PDS5B: variants seen among roughly 807,000 people sequenced by gnomAD.
PDS5B encodes PDS5 cohesin associated factor B.
A neutral mutation model predicts 184.1 loss-of-function variants in PDS5B; 51 were observed. The ratio of observed to expected loss-of-function variants is 0.28; its 90% confidence interval spans 0.22 to 0.35. The LOEUF (loss-of-function observed/expected upper bound fraction) is 0.35, where lower values mean the gene tolerates loss of function less well. Among genes scored for constraint, PDS5B ranks in the 10% least tolerant of loss-of-function variants. The pLI, the probability that PDS5B is intolerant of heterozygous loss-of-function variation, is 1.00. For synonymous variants in PDS5B, 566 were observed against 569.2 expected (o/e 0.99, Z 0.08); for missense variants, 1,180 against 1,723.3 (o/e 0.68, Z 5.58).
At chr13:32,691,090 A>T (rs968828822) in intron 13 of PDS5B, 1 of 113,438 alleles carries the variant, frequency 8.8e-6, no homozygotes, top group Non-Finnish European at 1.8e-5. Flanking sequence ...TCTATTACCC[A>T]ACTTGTAAAC....
At chr13:32,591,977 A>AT (rs1049017228) in intron 1 of PDS5B, among the ~76,000 whole-genome samples, 1 of 152,176 alleles carries the variant, frequency 6.6e-6, no homozygotes, top group Admixed American at 6.5e-5. Flanking sequence ...GTATGAGAGT[A>AT]TTGAAAGCCC....
intron 1 of PDS5B, among the ~76,000 whole-genome samples, chr13:32,639,254 T>G (rs553030780): frequency 9.2e-5 from 14 of 152,278 alleles, no homozygotes; most frequent in African/African-American, 3.4e-4. Flanking sequence ...TTTAGTATCT[T>G]CCATAACATT....
At chr13:32,702,878 G>A (rs1469569901) in intron 17 of PDS5B, among the ~76,000 whole-genome samples, 1 of 152,160 alleles carries the variant, frequency 6.6e-6, no homozygotes, top group East Asian at 1.9e-4. Flanking sequence ...GAGGAGGGAA[G>A]TAGAAGAGAT....
chr13:32,606,059 C>T (rs908383864), intron 1 of PDS5B, among the ~76,000 whole-genome samples: 2 of 152,076 alleles, frequency 1.3e-5, no homozygotes, highest in African/African-American at 2.4e-5. Context: ...AGCATTTAGC[C>T]CATTTACATT....
chr13:32,586,700 C>G (rs1476935793), intron 1 of PDS5B, 107 bp downstream of exon 1: 4 of 149,950 alleles, frequency 2.7e-5, no homozygotes, highest in African/African-American at 7.3e-5. Context: ...TGTGGCAGGG[C>G]TGAAGCGCCG....
chr13:32,650,364 A>G (rs1253842620), intron 2 of PDS5B: 2 of 152,154 alleles, frequency 1.3e-5, no homozygotes, highest in African/African-American at 4.8e-5. Context: ...CATTTTTAGC[A>G]TCCTCCTTCT....
Position 32,701,411 on chromosome 13 carries a change from C to A in PDS5B, c.1829C>A (p.Pro610His). Residue 610 changes from proline (P) to histidine (H), a missense_variant, in exon 17 of 35, where the codon CCT (proline) becomes CAT (histidine). This residue lies in a region of PDS5B where 475 missense variants were observed against 691.5 expected (regional missense o/e 0.69). Coordinates refer to ENST00000315596, the MANE Select transcript of PDS5B (RefSeq NM_015032.4). ...MIKFLLERIA[P>H]VHIDTESISA... ...AAGTTTCTCTTGGAGAGGATAGCAC[C>A]TGTGCACATAGATACCGAATCTATC... 1 of 1,608,152 alleles carries A rather than the reference C, an allele frequency of 6.2e-7. No homozygotes were observed. The highest frequency in any genetic ancestry group is 8.5e-7 in the Non-Finnish European group (1 of 1,175,050).
chr13:32,758,343 A>T, intron 27 of PDS5B, 124 bp downstream of exon 27: 1 of 971,516 alleles, frequency 1.0e-6, no homozygotes, highest in African/African-American at 1.7e-5. Context: ...AATTAGAATT[A>T]CGTAGAATTA....
chr13:32,701,200 T>C (rs898767737), intron 16 of PDS5B, 123 bp from the exon 17 acceptor site: 8 of 567,898 alleles, frequency 1.4e-5, no homozygotes, highest in South Asian at 1.2e-4. Context: ...CTTGTTCAAT[T>C]CTTACAGTTT....
chr13:32,667,614 A>T, intron 6 of PDS5B, 150 bp from the exon 7 acceptor site: 1 of 560,632 alleles, frequency 1.8e-6, no homozygotes, highest in East Asian at 3.3e-5. Context: ...GTTAGTCCTA[A>T]AAAAAGAAAA....
At chr13:32,753,575 C>G in intron 25 of PDS5B, 39 bp downstream of exon 25, 2 of 1,405,878 alleles carry the variant, frequency 1.4e-6, no homozygotes, top group Non-Finnish European at 2.0e-6. Context: ...CTTTTTCAGC[C>G]TGCTAGTTTC....
chr13:32,671,517 C>T (rs1159138774), intron 7 of PDS5B, among the ~76,000 whole-genome samples: 2 of 152,034 alleles, frequency 1.3e-5, no homozygotes, highest in Admixed American at 6.6e-5. Flanking sequence ...TTATTTTCAG[C>T]CTGAATAAGA....
chr13:32,643,278 A>G (rs982030872), intron 1 of PDS5B, among the ~76,000 whole-genome samples: 1 of 152,042 alleles, frequency 6.6e-6, no homozygotes, highest in African/African-American at 2.4e-5. Context: ...GTAACTATGA[A>G]CTTGGTTCTT....
At chr13:32,630,269 T>A (rs1312914947) in intron 1 of PDS5B, among the ~76,000 whole-genome samples, 3 of 152,172 alleles carry the variant, frequency 2.0e-5, no homozygotes, top group Non-Finnish European at 4.4e-5. Flanking sequence ...GGGTTTCCTA[T>A]GTGGAATCTG....
intron 20 of PDS5B, among the ~76,000 whole-genome samples, chr13:32,733,945 A>G (rs1953216384): frequency 6.7e-6 from 1 of 149,392 alleles, no homozygotes. Flanking sequence ...TCCTTATGCC[A>G]ATGGCATATT....
At chr13:32,725,535 G>A (rs1161871077) in intron 19 of PDS5B, among the ~76,000 whole-genome samples, 1 of 152,236 alleles carries the variant, frequency 6.6e-6, no homozygotes, top group East Asian at 1.9e-4. Flanking sequence ...ATGGTATTAA[G>A]AAATTACAAC....
chr13:32,738,237 G>A (rs1199376027), intron 21 of PDS5B, among the ~76,000 whole-genome samples: 1 of 152,072 alleles, frequency 6.6e-6, no homozygotes, highest in Non-Finnish European at 1.5e-5. Context: ...TTATTCCTAC[G>A]AGTGAAGTTG....
Position 32,776,023 on chromosome 13 carries a change from A to G in PDS5B, c.*971A>G, listed in dbSNP as rs969087438. 6.4e-6 allele frequency: 1 copy of G among 157,242 alleles called. No homozygotes were observed. The highest frequency in any genetic ancestry group is 1.4e-5 in the Non-Finnish European group (1 of 71,164). The allele number at this position is 157,242 out of a possible 1,614,324, so 9.7% of individuals were successfully genotyped here. On this transcript the variant is annotated 3_prime_UTR_variant, in exon 35 of 35. Coordinates refer to ENST00000315596, the MANE Select transcript of PDS5B (RefSeq NM_015032.4). ...GATATATACACATTAGAAATATTCC[A>G]GTTCTCCGTAACAGTGTAAAGTTAA...
At chr13:32,768,480 A>G (rs1156444090) in intron 31 of PDS5B, among the ~76,000 whole-genome samples, 2 of 152,044 alleles carry the variant, frequency 1.3e-5, no homozygotes, top group African/African-American at 2.4e-5. Flanking sequence ...GGGGGCCACA[A>G]TTCAGTCCAA....
Sources: gnomAD v4.1 joint callset for allele counts (sites outside exome capture counted in the v4.1 genomes callset) on GRCh38, gnomAD v4.1.1 for gene constraint, gnomAD v4.1.1 regional missense constraint, MANE v1.5 for transcripts, NCBI Gene and HGNC (gene_info 2026-07-23, HGNC 2026-07-21) for gene names.